The following MAST4 variants were observed in gnomAD, a reference collection of about 807,000 sequenced individuals.
MAST4 encodes microtubule associated serine/threonine kinase family member 4, also known as microtubule-associated serine/threonine-protein kinase 4.
Under a neutral mutation model 162.7 loss-of-function variants are expected in MAST4, and 89 were observed. That is an observed-to-expected ratio of 0.55 (90% CI 0.46 to 0.65). MAST4 has a LOEUF of 0.65. Ranked by LOEUF, MAST4 falls within the 30% of genes least tolerant of loss-of-function variation. The pLI is 0.00. For synonymous variants in MAST4, 1,479 were observed against 1,361.1 expected (o/e 1.09, Z -1.91); for missense variants, 3,153 against 3,374.0 (o/e 0.93, Z 1.62).
chr5:66,977,513 G>A (rs1748302116), intron 4 of MAST4, among the ~76,000 whole-genome samples: 1 of 152,120 alleles, frequency 6.6e-6, no homozygotes, highest in African/African-American at 2.4e-5. Context: ...AACAGCAGTT[G>A]TACACATTTG....
intron 4 of MAST4, among the ~76,000 whole-genome samples, chr5:66,900,844 T>C (rs1687073008): frequency 6.6e-6 from 1 of 152,140 alleles, no homozygotes; most frequent in Admixed American, 6.5e-5. Flanking sequence ...AGCCTTTGCA[T>C]CTAAGAACCA....
At chr5:67,093,506 A>G (rs1213337646) in intron 6 of MAST4, 2 of 341,980 alleles carry the variant, frequency 5.8e-6, no homozygotes, top group Non-Finnish European at 1.2e-5. Flanking sequence ...TTTGTGCTCC[A>G]TTTGAGTAAA....
chr5:66,615,972 T>C (rs959995071), intron 1 of MAST4, among the ~76,000 whole-genome samples: 5 of 152,220 alleles, frequency 3.3e-5, no homozygotes, highest in Admixed American at 6.5e-5. Flanking sequence ...ACCCTTGCCG[T>C]GTTGTGATGT....
chr5:66,855,234 G>A (rs1227268549), intron 3 of MAST4, among the ~76,000 whole-genome samples: 1 of 152,110 alleles, frequency 6.6e-6, no homozygotes, highest in African/African-American at 2.4e-5. Context: ...ATGGTTAAAA[G>A]TGTGTGGCAT....
chr5:66,825,035 A>G (rs1459857090), intron 3 of MAST4, among the ~76,000 whole-genome samples: 1 of 152,146 alleles, frequency 6.6e-6, no homozygotes, highest in Admixed American at 6.6e-5. Flanking sequence ...GGCTACACTG[A>G]ATTTATAAAC....
chr5:67,044,367 C>T (rs1452101949), intron 4 of MAST4, among the ~76,000 whole-genome samples: 1 of 152,160 alleles, frequency 6.6e-6, no homozygotes, highest in African/African-American at 2.4e-5. Flanking sequence ...GACTAGGTCT[C>T]TCCTATGACT....
In MAST4 at chr5:67,165,768, G is replaced by C; in HGVS notation, c.6589G>C (p.Gly2197Arg). Residue 2197 changes from glycine (G) to arginine (R), a missense_variant, in exon 29 of 29, where the codon GGC becomes CGC. Around this residue, in one of 7 missense-constraint regions of MAST4, gnomAD observed 1,644 missense variants for 1,495.0 expected, o/e 1.10. Coordinates refer to ENST00000403625, the MANE Select transcript of MAST4 (RefSeq NM_001164664.2). ...SESSSHKPRPGPDPGPPKTKH... is the reference protein window; with the variant it reads ...SESSSHKPRPRPDPGPPKTKH... Reference sequence around the variant, plus strand: ...AAGCAGCAGCCACAAGCCCCGGCCTGGCCCTGACCCGGGCCCTCCAAAGAC... The same window carrying C: ...AAGCAGCAGCCACAAGCCCCGGCCTCGCCCTGACCCGGGCCCTCCAAAGAC... 3.7e-6 allele frequency: 6 copies of C among 1,600,990 alleles called. No homozygotes were observed. Among genetic ancestry groups the C allele is most frequent in the Non-Finnish European group, 4.3e-6 (5 of 1,174,124 alleles).
intron 6 of MAST4, chr5:67,093,720 C>A: frequency 2.3e-6 from 1 of 426,544 alleles, no homozygotes; most frequent in Non-Finnish European, 4.9e-6. Flanking sequence ...TCATTGATAA[C>A]TGAGGGGAAG....
intron 1 of MAST4, among the ~76,000 whole-genome samples, chr5:66,679,668 A>G (rs80335507): frequency 7.9e-5 from 12 of 151,832 alleles, no homozygotes; most frequent in South Asian, 6.3e-4. Context: ...CACCATTCCA[A>G]TGATTCTAAA....
At chr5:67,094,279 C>A in intron 6 of MAST4, 1 of 560,818 alleles carries the variant, frequency 1.8e-6, no homozygotes, top group Non-Finnish European at 2.9e-6. Flanking sequence ...CCCATGGCAG[C>A]CTATAATTTT....
chr5:66,885,189 T>C (rs189059075), intron 3 of MAST4, among the ~76,000 whole-genome samples: 232 of 152,308 alleles, frequency 1.5e-3, no homozygotes, highest in South Asian at 8.1e-3. Flanking sequence ...TCACCAGCCA[T>C]GCAGTGTGAT....
intron 14 of MAST4, among the ~76,000 whole-genome samples, chr5:67,124,115 A>C (rs1561684217): frequency 6.6e-6 from 1 of 151,990 alleles, no homozygotes; most frequent in African/African-American, 2.4e-5. Context: ...CCACCCTCCC[A>C]CACCTCAGTT....
intron 3 of MAST4, among the ~76,000 whole-genome samples, chr5:66,891,195 A>C (rs1038174610): frequency 6.6e-6 from 1 of 152,182 alleles, no homozygotes; most frequent in Non-Finnish European, 1.5e-5. Context: ...CAGTGCTTTT[A>C]GACAGTCTTT....
intron 3 of MAST4, among the ~76,000 whole-genome samples, chr5:66,825,743 G>A (rs1165905747): frequency 6.6e-6 from 1 of 152,008 alleles, no homozygotes; most frequent in Non-Finnish European, 1.5e-5. Context: ...TGGGCATGTG[G>A]CGTATCCATA....
chr5:67,080,175 G>A (rs371552552), intron 5 of MAST4, among the ~76,000 whole-genome samples: 36 of 152,258 alleles, frequency 2.4e-4, no homozygotes, highest in African/African-American at 8.4e-4. Context: ...AGGAAGCCCC[G>A]GGTATCATTT....
chr5:67,051,247 T>C (rs1256835158), intron 4 of MAST4, among the ~76,000 whole-genome samples: 1 of 150,694 alleles, frequency 6.6e-6, no homozygotes, highest in Non-Finnish European at 1.5e-5. Flanking sequence ...GAGCCTTTAA[T>C]TTGCCTGAGT....
chr5:66,989,952 T>C (rs1749892269), intron 4 of MAST4, among the ~76,000 whole-genome samples: 1 of 152,148 alleles, frequency 6.6e-6, no homozygotes, highest in Non-Finnish European at 1.5e-5. Flanking sequence ...ATCTCCACCT[T>C]AGGGCATTTC....
intron 3 of MAST4, among the ~76,000 whole-genome samples, chr5:66,890,910 C>T (rs1443063637): frequency 1.3e-5 from 2 of 152,124 alleles, no homozygotes; most frequent in African/African-American, 4.8e-5. Context: ...ATGTATGTCA[C>T]TGTGCAGTAA....
At chr5:66,627,263 A>G (rs1005325327) in intron 1 of MAST4, among the ~76,000 whole-genome samples, 2 of 152,190 alleles carry the variant, frequency 1.3e-5, no homozygotes, top group Non-Finnish European at 2.9e-5. Flanking sequence ...ATCACGAGAA[A>G]GGCAGCATGG....
Sources: allele counts gnomAD v4.1 joint callset (sites outside exome capture counted in the v4.1 genomes callset), GRCh38; gene constraint gnomAD v4.1.1; regional missense constraint gnomAD v4.1.1; transcripts MANE v1.5; gene names NCBI Gene and HGNC (gene_info 2026-07-23, HGNC 2026-07-21).